The following MBD5 variants were observed in gnomAD, a reference collection of about 807,000 sequenced individuals.
MBD5 encodes the protein methyl-CpG binding domain protein 5.
MBD5 carries 13 observed loss-of-function variants against 117.3 expected under a neutral mutation model. That is an observed-to-expected ratio of 0.11 (90% CI 0.07 to 0.18). The LOEUF is 0.18. Among genes scored for constraint, MBD5 ranks in the 10% least tolerant of loss-of-function variants. MBD5 has a pLI of 1.00. For missense variants in MBD5, 1,879 were observed against 2,093.8 expected (o/e 0.90, Z 2.00); for synonymous variants, 727 against 766.4 (o/e 0.95, Z 0.85).
At chr2:148,185,391 T>C (rs764711275) in intron 2 of MBD5, among the ~76,000 whole-genome samples, 3 of 152,240 alleles carry the variant, frequency 2.0e-5, no homozygotes, top group Non-Finnish European at 2.9e-5. Context: ...CTTGGTATTA[T>C]CTTTCTGAAA....
At chr2:148,076,713 C>A (rs570918726) in intron 1 of MBD5, among the ~76,000 whole-genome samples, 1 of 152,286 alleles carries the variant, frequency 6.6e-6, no homozygotes, top group South Asian at 2.1e-4. Context: ...TTACTAGCTT[C>A]TGATAAATCT....
At chr2:148,228,026 T>C (rs1212204427) in intron 2 of MBD5, among the ~76,000 whole-genome samples, 1 of 152,212 alleles carries the variant, frequency 6.6e-6, no homozygotes, top group East Asian at 1.9e-4. Flanking sequence ...ACAATGTGGT[T>C]TTCTAGATAT....
At chr2:148,139,131 C>T (rs1697244573) in intron 1 of MBD5, among the ~76,000 whole-genome samples, 1 of 152,142 alleles carries the variant, frequency 6.6e-6, no homozygotes, top group African/African-American at 2.4e-5. Flanking sequence ...ATAATTTATA[C>T]AGAGACTGGG....
intron 8 of MBD5, 172 bp downstream of exon 8, chr2:148,470,633 T>A: frequency 1.7e-6 from 1 of 589,840 alleles, no homozygotes; most frequent in Non-Finnish European, 2.9e-6. Flanking sequence ...GATTTGTCTA[T>A]TGGGAAGATT....
chr2:148,245,290 A>G (rs141235468), intron 3 of MBD5, among the ~76,000 whole-genome samples: 1 of 90,540 alleles, frequency 1.1e-5, no homozygotes, highest in African/African-American at 3.6e-5. Flanking sequence ...CAGTGGCACT[A>G]TCTCAGCTCA....
chr2:148,416,964 G>A (rs1340953532), intron 4 of MBD5, among the ~76,000 whole-genome samples: 1 of 151,944 alleles, frequency 6.6e-6, no homozygotes, highest in Admixed American at 6.6e-5. Context: ...TCTTTTTTAT[G>A]GCTGAGTAGT....
intron 1 of MBD5, among the ~76,000 whole-genome samples, chr2:148,124,720 C>G (rs1446329504): frequency 6.6e-6 from 1 of 152,090 alleles, no homozygotes; most frequent in East Asian, 1.9e-4. Context: ...ATGAGCATAA[C>G]TGTATTTTCC....
At chr2:148,149,130 C>T (rs1275271125) in intron 1 of MBD5, among the ~76,000 whole-genome samples, 7 of 148,176 alleles carry the variant, frequency 4.7e-5, no homozygotes, top group East Asian at 2.0e-4. Flanking sequence ...TGATATTCCC[C>T]TTCCTGTGTC....
intron 2 of MBD5, among the ~76,000 whole-genome samples, chr2:148,209,939 A>G (rs1325041971): frequency 6.6e-6 from 1 of 152,202 alleles, no homozygotes; most frequent in African/African-American, 2.4e-5. Context: ...CCCACCTTCA[A>G]CAGTGAAGAT....
intron 1 of MBD5, among the ~76,000 whole-genome samples, chr2:148,066,528 C>T (rs554017782): frequency 2.7e-5 from 4 of 150,290 alleles, no homozygotes; most frequent in African/African-American, 9.8e-5. Flanking sequence ...GCTGTGTCAC[C>T]CAGGCTGGAG....
intron 3 of MBD5, among the ~76,000 whole-genome samples, chr2:148,287,167 C>T (rs1340079637): frequency 6.6e-6 from 1 of 152,094 alleles, no homozygotes; most frequent in Non-Finnish European, 1.5e-5. Context: ...TTCTTTATTT[C>T]ACTTTTAACT....
intron 3 of MBD5, among the ~76,000 whole-genome samples, chr2:148,235,485 A>G (rs1700072334): frequency 6.6e-6 from 1 of 152,196 alleles, no homozygotes; most frequent in Non-Finnish European, 1.5e-5. Context: ...AGATATTTAT[A>G]ATTCTAATCC....
intron 3 of MBD5, among the ~76,000 whole-genome samples, chr2:148,265,503 A>AT (rs1700834955): frequency 6.6e-6 from 1 of 151,902 alleles, no homozygotes; most frequent in Non-Finnish European, 1.5e-5. Flanking sequence ...GAACAGTTAG[A>AT]TTATTTACAG....
At chr2:148,388,820 TTTCAAAATTATTATAATTA>T (rs1704459395) in intron 4 of MBD5, among the ~76,000 whole-genome samples, 1 of 152,274 alleles carries the variant, frequency 6.6e-6, no homozygotes, top group Non-Finnish European at 1.5e-5. Context: ...TGACCTCATT[TTTCAAAATTATTATAATTA>T]TTCAAAATTA....
chr2:148,054,422 G>A (rs892506316), intron 1 of MBD5: 2 of 152,134 alleles, frequency 1.3e-5, no homozygotes, highest in African/African-American at 4.8e-5. Flanking sequence ...AGAGGACAAC[G>A]CAGATATAGA....
At chr2:148,502,577 A>G in intron 12 of MBD5, 68 bp downstream of exon 12, 1 of 1,447,036 alleles carries the variant, frequency 6.9e-7, no homozygotes, top group South Asian at 1.2e-5. Context: ...CATCAAAGGG[A>G]CAATGAAATC....
intron 8 of MBD5, among the ~76,000 whole-genome samples, chr2:148,477,210 A>T (rs1341860792): frequency 2.6e-5 from 4 of 152,078 alleles, no homozygotes; most frequent in Non-Finnish European, 5.9e-5. Context: ...TCATAACTAC[A>T]CAGACATCAT....
At chr2:148,445,357 G>A (rs1160669453) in intron 4 of MBD5, among the ~76,000 whole-genome samples, 4 of 150,318 alleles carry the variant, frequency 2.7e-5, no homozygotes, top group Admixed American at 6.6e-5. Context: ...TCATTGTTCA[G>A]TTCTCACCTA....
intron 1 of MBD5, among the ~76,000 whole-genome samples, chr2:148,177,986 T>A (rs963005256): frequency 2.0e-5 from 3 of 152,150 alleles, no homozygotes; most frequent in African/African-American, 4.8e-5. Context: ...GGAGACCCTG[T>A]CTCAAAACAA....
Sources: gnomAD v4.1 joint callset for allele counts (sites outside exome capture counted in the v4.1 genomes callset) on GRCh38, gnomAD v4.1.1 for gene constraint, MANE v1.5 for transcripts, NCBI Gene and HGNC (gene_info 2026-07-23, HGNC 2026-07-21) for gene names.